IGF2BP3: variants seen among roughly 807,000 people sequenced by gnomAD.
The protein encoded by IGF2BP3 is insulin like growth factor 2 mRNA binding protein 3.
A neutral mutation model predicts 73.8 loss-of-function variants in IGF2BP3; 9 were observed. The observed-to-expected ratio is 0.12, with a 90% CI of 0.07 to 0.21. IGF2BP3 has a LOEUF of 0.21. IGF2BP3 is among the 10% of genes least tolerant of loss of function. IGF2BP3 has a pLI of 1.00. For synonymous variants in IGF2BP3, 258 were observed against 256.7 expected (o/e 1.01, Z -0.05); for missense variants, 542 against 714.0 (o/e 0.76, Z 2.75).
chr7:23,401,992 CT>C (rs1343946251), intron 3 of IGF2BP3, among the ~76,000 whole-genome samples: 15 of 151,788 alleles, frequency 9.9e-5, no homozygotes, highest in African/African-American at 3.4e-4. Context: ...TGGCGTGTCC[CT>C]GAAGTCCCAG....
chr7:23,468,687 G>A lies in IGF2BP3; in HGVS notation c.176-145C>T, dbSNP rs1788628771. 2.7e-5 allele frequency: 21 copies of A among 774,328 alleles called. No homozygotes were observed. The South Asian group carries it at 3.0e-4, about 11-fold the overall frequency. 48.0% of individuals were successfully genotyped at this position (774,328 alleles called of 1,614,324 possible). A position where few individuals can be genotyped will look rare whatever the true frequency, so the allele number is the denominator to read the frequency against. ...GCCCGGACGCGGCTCCAGGCGGAGG[G>A]AGAAGCCGACCCCCTCGAGCGGCGT... On this transcript the variant is annotated intron_variant, in intron 1 of 14. Transcript: ENST00000258729.
intron 13 of IGF2BP3, among the ~76,000 whole-genome samples, chr7:23,313,304 C>T (rs746666030): frequency 1.1e-4 from 17 of 152,196 alleles, no homozygotes; most frequent in Non-Finnish European, 1.9e-4. Flanking sequence ...AAATATAGGA[C>T]AATCCTCTCA....
intron 2 of IGF2BP3, among the ~76,000 whole-genome samples, chr7:23,465,968 C>T (rs752840055): frequency 1.3e-4 from 19 of 151,992 alleles, no homozygotes; most frequent in Non-Finnish European, 2.5e-4. Flanking sequence ...TGCATCACAG[C>T]TCCAAGGGTC....
chr7:23,361,470 G>A (rs957756740), intron 5 of IGF2BP3, 64 bp downstream of exon 5: 61 of 1,394,176 alleles, frequency 4.4e-5, no homozygotes, highest in Middle Eastern at 5.1e-4. Flanking sequence ...TGAGAAATCC[G>A]CAAAATATGT....
chr7:23,331,900 C>T (rs1435726763), intron 10 of IGF2BP3, among the ~76,000 whole-genome samples: 2 of 151,320 alleles, frequency 1.3e-5, no homozygotes, highest in African/African-American at 2.4e-5. Flanking sequence ...TTAATTGACT[C>T]AGTTGGCTGG....
intron 10 of IGF2BP3, among the ~76,000 whole-genome samples, chr7:23,327,325 G>C (rs1204461679): frequency 6.7e-6 from 1 of 148,900 alleles, no homozygotes; most frequent in Non-Finnish European, 1.5e-5. Context: ...CTGTGGCCCA[G>C]GCTGGAGTGC....
chr7:23,412,749 A>G (rs529304379), intron 3 of IGF2BP3, among the ~76,000 whole-genome samples: 1 of 148,820 alleles, frequency 6.7e-6, no homozygotes, highest in African/African-American at 2.5e-5. Flanking sequence ...TTTTTTGAGT[A>G]CTTATTAGGA....
chr7:23,346,839 C>T (rs961238626), intron 7 of IGF2BP3, among the ~76,000 whole-genome samples: 3 of 152,152 alleles, frequency 2.0e-5, no homozygotes, highest in Non-Finnish European at 4.4e-5. Flanking sequence ...GATCCACCCG[C>T]CTCGGCCTCC....
At chr7:23,463,684 CAT>C (rs1007555572) in intron 2 of IGF2BP3, among the ~76,000 whole-genome samples, 1 of 152,222 alleles carries the variant, frequency 6.6e-6, no homozygotes, top group Non-Finnish European at 1.5e-5. Context: ...GCTCCTGGCA[CAT>C]GTCATGTTTC....
chr7:23,369,842 C>T (rs184300875), intron 3 of IGF2BP3, among the ~76,000 whole-genome samples: 4 of 152,048 alleles, frequency 2.6e-5, no homozygotes, highest in Admixed American at 2.6e-4. Flanking sequence ...CCACTATGGG[C>T]GTGAGGTAGA....
chr7:23,344,506 A>C (rs274048), intron 8 of IGF2BP3, among the ~76,000 whole-genome samples: 23,697 of 152,232 alleles, frequency 0.16, 4,751 homozygotes, highest in African/African-American at 0.47. Context: ...ATAGTGGCAG[A>C]AATATTCAGA....
chr7:23,424,802 C>T (rs1297571874), intron 2 of IGF2BP3, among the ~76,000 whole-genome samples: 1 of 152,152 alleles, frequency 6.6e-6, no homozygotes, highest in Non-Finnish European at 1.5e-5. Context: ...CTCTGAAGGG[C>T]ATCTTCAAGA....
At chr7:23,347,756 G>C in intron 6 of IGF2BP3, 22 bp from the exon 7 acceptor site, 2 of 1,613,796 alleles carry the variant, frequency 1.2e-6, no homozygotes, top group Non-Finnish European at 1.7e-6. Flanking sequence ...CGCAAGCAGA[G>C]AGGAAAACGA....
intron 3 of IGF2BP3, among the ~76,000 whole-genome samples, chr7:23,382,653 G>A (rs1785947790): frequency 6.6e-6 from 1 of 151,602 alleles, no homozygotes; most frequent in Admixed American, 6.6e-5. Context: ...TACACCTTAT[G>A]GTAAAACAAA....
chr7:23,431,538 G>C (rs1787676483), intron 2 of IGF2BP3, among the ~76,000 whole-genome samples: 1 of 151,978 alleles, frequency 6.6e-6, no homozygotes, highest in South Asian at 2.1e-4. Flanking sequence ...GCATCTAGTG[G>C]ATTAACAGAG....
chr7:23,400,649 G>C (rs922657080), intron 3 of IGF2BP3, among the ~76,000 whole-genome samples: 3 of 152,172 alleles, frequency 2.0e-5, no homozygotes, highest in African/African-American at 7.2e-5. Context: ...TTTCACACGA[G>C]AACAACTTCA....
At chr7:23,374,667 ACT>A (rs778623047) in intron 3 of IGF2BP3, among the ~76,000 whole-genome samples, 8 of 152,094 alleles carry the variant, frequency 5.3e-5, no homozygotes, top group Middle Eastern at 3.4e-3. Flanking sequence ...ACAGAGTGAG[ACT>A]CTGTCTCCAA....
chr7:23,346,149 TCCTA>T, intron 7 of IGF2BP3, 87 bp from the exon 8 acceptor site: 1 of 1,426,616 alleles, frequency 7.0e-7, no homozygotes, highest in Non-Finnish European at 9.5e-7. Context: ...AACATTTACT[TCCTA>T]CCTACCATCT....
chr7:23,426,349 G>C (rs1439495078), intron 2 of IGF2BP3, among the ~76,000 whole-genome samples: 1 of 127,878 alleles, frequency 7.8e-6, no homozygotes, highest in Non-Finnish European at 1.6e-5. Flanking sequence ...AAGGGGGGTG[G>C]GGCCAAAATT....
Sources: allele counts gnomAD v4.1 joint callset (sites outside exome capture counted in the v4.1 genomes callset), GRCh38; gene constraint gnomAD v4.1.1; transcripts MANE v1.5; gene names NCBI Gene and HGNC (gene_info 2026-07-23, HGNC 2026-07-21).